The following WWC1 variants were observed in gnomAD, a reference collection of about 807,000 sequenced individuals.
WWC1 encodes WW and C2 domain containing 1.
In WWC1, 55 loss-of-function variants were observed where a neutral mutation model predicts 138.4. The observed-to-expected ratio is 0.40, with a 90% CI of 0.32 to 0.50. The LOEUF is 0.50. Among genes scored for constraint, WWC1 ranks in the 20% least tolerant of loss-of-function variants. The pLI is 0.72. For synonymous variants in WWC1, 524 were observed against 564.9 expected, an observed-to-expected ratio of 0.93 and a Z score of 1.03; for missense variants, 1,226 against 1,420.4, an observed-to-expected ratio of 0.86 and a Z score of 2.20.
intron 15 of WWC1, among the ~76,000 whole-genome samples, chr5:168,441,450 A>G (rs58120412): frequency 0.055 from 8,372 of 152,270 alleles, 350 homozygotes; most frequent in East Asian, 0.16. Flanking sequence ...AAAAAAATTC[A>G]TAGGATAAGT....
chr5:168,458,830 TTCTG>T (rs1250883685), intron 19 of WWC1, among the ~76,000 whole-genome samples: 1 of 152,258 alleles, frequency 6.6e-6, no homozygotes, highest in African/African-American at 2.4e-5. Flanking sequence ...TTAATGTAGC[TTCTG>T]TCTTTCTTTT....
chr5:168,306,528 A>G (rs1480990301), intron 1 of WWC1, among the ~76,000 whole-genome samples: 4 of 152,210 alleles, frequency 2.6e-5, no homozygotes, highest in African/African-American at 7.2e-5. Flanking sequence ...CTTTTGCCAT[A>G]ATGTGAAAAT....
At chr5:168,336,582 A>G (rs1031513464) in intron 1 of WWC1, among the ~76,000 whole-genome samples, 4 of 150,106 alleles carry the variant, frequency 2.7e-5, no homozygotes, top group Admixed American at 2.6e-4. Context: ...AAAAAAAAAA[A>G]AAAAAAAAAA....
At chr5:168,436,719 C>G (rs1233355718) in intron 15 of WWC1, among the ~76,000 whole-genome samples, 1 of 152,118 alleles carries the variant, frequency 6.6e-6, no homozygotes, top group Admixed American at 6.6e-5. Flanking sequence ...TTTCCCTCAC[C>G]CCATCCTCTT....
intron 3 of WWC1, among the ~76,000 whole-genome samples, chr5:168,393,018 A>G (rs1778622675): frequency 6.6e-6 from 1 of 152,172 alleles, no homozygotes; most frequent in South Asian, 2.1e-4. Flanking sequence ...AAATTAAAAT[A>G]TGAGAGTAGA....
chr5:168,412,667 G>A (rs1346894168), intron 8 of WWC1, among the ~76,000 whole-genome samples: 1 of 152,114 alleles, frequency 6.6e-6, no homozygotes, highest in Non-Finnish European at 1.5e-5. Flanking sequence ...TCAGTCCTCT[G>A]TACCCACGGG....
intron 5 of WWC1, among the ~76,000 whole-genome samples, chr5:168,403,008 TTC>T (rs1421321273): frequency 2.6e-5 from 1 of 38,152 alleles, no homozygotes; most frequent in South Asian, 7.8e-4. Context: ...TTGTTTCTTT[TTC>T]TTTCTTTCTT....
intron 21 of WWC1, among the ~76,000 whole-genome samples, chr5:168,466,252 A>G (rs980257672): frequency 6.6e-6 from 1 of 152,218 alleles, no homozygotes; most frequent in African/African-American, 2.4e-5. Context: ...AACAGGTCCC[A>G]GACTGCCATG....
chr5:168,354,418 T>C (rs905293229), intron 1 of WWC1, among the ~76,000 whole-genome samples: 6 of 152,198 alleles, frequency 3.9e-5, no homozygotes, highest in Non-Finnish European at 5.9e-5. Context: ...AGGGGCTCAT[T>C]GTTGAATCTT....
intron 17 of WWC1, among the ~76,000 whole-genome samples, chr5:168,448,525 C>T (rs1410403175): frequency 2.0e-5 from 3 of 151,524 alleles, no homozygotes; most frequent in African/African-American, 7.3e-5. Context: ...TCGTATTTGT[C>T]TGGGGCAGAT....
In WWC1 at chr5:168,399,472, G is replaced by T. The variant is rs749942997; in HGVS notation, c.511-16G>T. On this transcript the variant is annotated splice_polypyrimidine_tract_variant and intron_variant, in intron 4 of 22. Transcript: ENST00000265293. ...AGCCTCTGACCCAGCCCTGTGTGTG[G>T]TCTGCTGCCCTCCAGGTCAACAAGC... is the stretch of plus-strand genomic sequence containing the variant. 24 of 1,613,900 alleles carry T rather than the reference G, an allele frequency of 1.5e-5. No individual in the cohort carries two copies. In the East Asian group the frequency reaches 2.7e-4, roughly 18 times the overall value.
chr5:168,319,641 C>T (rs1771895677), intron 1 of WWC1, among the ~76,000 whole-genome samples: 1 of 152,154 alleles, frequency 6.6e-6, no homozygotes, highest in Admixed American at 6.5e-5. Context: ...GTTGGGACCA[C>T]AGGCGTGAGC....
chr5:168,432,837 G>A (rs1216496339), intron 15 of WWC1, among the ~76,000 whole-genome samples: 1 of 152,172 alleles, frequency 6.6e-6, no homozygotes, highest in Non-Finnish European at 1.5e-5. Context: ...AAAACAAGAT[G>A]TATACACCTC....
chr5:168,306,844 A>T (rs1199803517), intron 1 of WWC1, among the ~76,000 whole-genome samples: 1 of 152,134 alleles, frequency 6.6e-6, no homozygotes, highest in Non-Finnish European at 1.5e-5. Context: ...TGATCCACCC[A>T]TCTTGGCCTC....
Position 168,423,930 on chromosome 5 carries a change from G to A in WWC1, c.1672G>A (p.Gly558Ser), listed in dbSNP as rs779026425. 2 of 1,614,076 alleles carry A rather than the reference G, an allele frequency of 1.2e-6. No individual in the cohort carries two copies. The highest frequency in any genetic ancestry group is 2.2e-5 in the East Asian group (1 of 44,868). The change falls in exon 11 of 23, where the codon GGT becomes AGT. Residue 558 changes from glycine (G) to serine (S), a missense_variant. Around this residue, in one of 3 missense-constraint regions of WWC1, gnomAD observed 1,016 missense variants for 1,153.9 expected, o/e 0.88. Coordinates refer to ENST00000265293, the MANE Select transcript of WWC1 (RefSeq NM_015238.3). The stretch of plus-strand genomic sequence containing the variant: ...TCTCATGGCTGACCCCCTCCTGGCT[G>A]GTGATGCCTTCCTCAACTCCTTGGA... ...SPLMADPLLA[G>S]DAFLNSLEFE...
In WWC1 at chr5:168,469,129, C is replaced by A. The variant is rs1196753965; in HGVS notation, c.*112C>A. 2 of 1,327,854 alleles carry A rather than the reference C, an allele frequency of 1.5e-6. No individual in the cohort carries two copies. Among genetic ancestry groups the A allele is most frequent in the Non-Finnish European group, 2.1e-6 (2 of 940,864 alleles). 82.3% of individuals were successfully genotyped at this position (1,327,854 alleles called of 1,614,324 possible). ...GTACTGAGTCACAAGTCCTCTAGTG[C>A]TCTTGTTGGTTTGAAGATGAACCGA... is the stretch of plus-strand genomic sequence containing the variant. On this transcript the variant is annotated 3_prime_UTR_variant, in exon 23 of 23. Coordinates refer to ENST00000265293, the MANE Select transcript of WWC1 (RefSeq NM_015238.3).
chr5:168,414,534 G>C lies in WWC1; in HGVS notation c.1128G>C (p.Arg376=). 1 of 1,555,034 alleles carries C rather than the reference G, an allele frequency of 6.4e-7. No individual in the cohort carries two copies. The highest frequency in any genetic ancestry group is 8.7e-7 in the Non-Finnish European group (1 of 1,149,098). ...AGCAGCTGGAGATGGCCCGGAAGCG[G>C]CTGGAAAAGGACCTGCAGGCAGCCC... ...EVEQLEMARK[R]LEKDLQAARD... Residue 376 remains arginine (R), a synonymous_variant, in exon 9 of 23, where the codon CGG becomes CGC. Transcript: ENST00000265293.
At chr5:168,400,604 C>A (rs1779235478) in intron 5 of WWC1, among the ~76,000 whole-genome samples, 1 of 152,162 alleles carries the variant, frequency 6.6e-6, no homozygotes, top group African/African-American at 2.4e-5. Context: ...TATAACTACC[C>A]CCATTTTATA....
At chr5:168,338,274 G>A (rs1404025429) in intron 1 of WWC1, among the ~76,000 whole-genome samples, 1 of 150,468 alleles carries the variant, frequency 6.6e-6, no homozygotes, top group African/African-American at 2.4e-5. Context: ...TCGCGCCACT[G>A]CACTCCAGCT....
Sources: gnomAD v4.1 joint callset for allele counts (sites outside exome capture counted in the v4.1 genomes callset) on GRCh38, gnomAD v4.1.1 for gene constraint, gnomAD v4.1.1 regional missense constraint, MANE v1.5 for transcripts, NCBI Gene and HGNC (gene_info 2026-07-23, HGNC 2026-07-21) for gene names.